SEMA5A: variants seen among roughly 807,000 people sequenced by gnomAD.
The protein encoded by SEMA5A is semaphorin 5A.
SEMA5A carries 55 observed loss-of-function variants against 135.5 expected under a neutral mutation model. The observed-to-expected ratio is 0.41, with a 90% CI of 0.33 to 0.51. SEMA5A has a LOEUF of 0.51. Ranked by LOEUF, SEMA5A falls within the 20% of genes least tolerant of loss-of-function variation. The pLI, the probability that SEMA5A is intolerant of heterozygous loss-of-function variation, is 0.37. For synonymous variants in SEMA5A, 580 were observed against 546.5 expected (o/e 1.06, Z -0.85); for missense variants, 1,290 against 1,419.9 (o/e 0.91, Z 1.47).
chr5:9,295,155 T>C (rs542782475), intron 5 of SEMA5A, among the ~76,000 whole-genome samples: 5 of 152,320 alleles, frequency 3.3e-5, no homozygotes, highest in African/African-American at 9.6e-5. Context: ...CCAGGGTTCA[T>C]GTTCAAAGTA....
intron 1 of SEMA5A, among the ~76,000 whole-genome samples, chr5:9,524,515 T>C (rs1485386671): frequency 6.6e-6 from 1 of 152,156 alleles, no homozygotes; most frequent in African/African-American, 2.4e-5. Flanking sequence ...AAGCTGAAGA[T>C]AGACCTGGAA....
At chr5:9,124,734 G>A (rs1017708701) in intron 13 of SEMA5A, among the ~76,000 whole-genome samples, 3 of 152,094 alleles carry the variant, frequency 2.0e-5, no homozygotes, top group Admixed American at 6.5e-5. Context: ...GGGATTACAG[G>A]CATGAGCCAC....
Position 9,544,885 on chromosome 5 carries a change from T to C in SEMA5A, c.-175+699A>G, listed in dbSNP as rs188560006. 1.7e-3 allele frequency among the ~76,000 whole-genome samples: 259 copies of C among 152,278 alleles called. 1 individual carries two copies. The highest frequency in any genetic ancestry group is 6.0e-3 in the African/African-American group (248 of 41,584). On this transcript the variant is annotated intron_variant, in intron 1 of 22. Coordinates refer to ENST00000382496, the MANE Select transcript of SEMA5A (RefSeq NM_003966.3). The stretch of plus-strand genomic sequence containing the variant: ...ACATCTTGGGAGAAACCATTCCCTC[T>C]GGAGCCCGATCTGCCCGAAACCCTG...
chr5:9,189,034 C>T (rs141912468), intron 11 of SEMA5A, among the ~76,000 whole-genome samples: 257 of 152,338 alleles, frequency 1.7e-3, no homozygotes, highest in Non-Finnish European at 2.2e-3. Context: ...CTTACCTGAC[C>T]ACTCAGTGGC....
At chr5:9,441,984 T>C (rs1758254846) in intron 1 of SEMA5A, among the ~76,000 whole-genome samples, 1 of 152,184 alleles carries the variant, frequency 6.6e-6, no homozygotes, top group Admixed American at 6.5e-5. Flanking sequence ...ATGGCAGCTC[T>C]GCAGAGGATG....
intron 11 of SEMA5A, among the ~76,000 whole-genome samples, chr5:9,165,350 G>C (rs972616966): frequency 3.3e-5 from 5 of 152,158 alleles, no homozygotes; most frequent in African/African-American, 1.2e-4. Flanking sequence ...TATAAAAATA[G>C]ATTATTGCAA....
At chr5:9,075,454 C>T (rs560698322) in intron 16 of SEMA5A, among the ~76,000 whole-genome samples, 19 of 151,376 alleles carry the variant, frequency 1.3e-4, no homozygotes, top group East Asian at 3.9e-4. Flanking sequence ...GATAGCTAAA[C>T]GAATAATCTT....
intron 5 of SEMA5A, among the ~76,000 whole-genome samples, chr5:9,273,204 A>T (rs1488325676): frequency 1.3e-5 from 2 of 152,174 alleles, no homozygotes; most frequent in East Asian, 3.8e-4. Flanking sequence ...ACAAGTATCA[A>T]TAGCTGAATC....
chr5:9,453,371 G>A (rs1283831976), intron 1 of SEMA5A, among the ~76,000 whole-genome samples: 1 of 152,118 alleles, frequency 6.6e-6, no homozygotes, highest in Non-Finnish European at 1.5e-5. Flanking sequence ...CTGAAAATAA[G>A]TGCCACATCC....
chr5:9,207,878 TA>T lies in SEMA5A; in HGVS notation c.647-5639del, dbSNP rs1284558068. On this transcript the variant is annotated intron_variant, in intron 8 of 22. Transcript: ENST00000382496. ...ATAGATAGATAGATAGATAGATAGA[TA>T]GATAGATAGATAGATAGATACATAG... Among the ~76,000 whole-genome samples the T allele has an allele frequency of 4.8e-3, 203 of 42,368 alleles. 2 individuals carry two copies. Among genetic ancestry groups the T allele is most frequent in the African/African-American group, 0.014 (167 of 12,090 alleles). 27.8% of individuals were successfully genotyped at this position (42,368 alleles called of 152,430 possible).
chr5:9,290,403 C>CAT (rs908143241), intron 5 of SEMA5A, among the ~76,000 whole-genome samples: 1 of 152,058 alleles, frequency 6.6e-6, no homozygotes, highest in Non-Finnish European at 1.5e-5. Flanking sequence ...TTATGATATA[C>CAT]ATATATATAC....
intron 1 of SEMA5A, among the ~76,000 whole-genome samples, chr5:9,468,817 A>T (rs1468716105): frequency 1.3e-5 from 2 of 152,194 alleles, no homozygotes; most frequent in African/African-American, 4.8e-5. Flanking sequence ...TAATTTCAAA[A>T]TTTTAGAAGA....
chr5:9,160,584 GAGA>G (rs746828230), intron 11 of SEMA5A, among the ~76,000 whole-genome samples: 4 of 152,172 alleles, frequency 2.6e-5, no homozygotes, highest in Non-Finnish European at 5.9e-5. Context: ...GCCTGCCAAT[GAGA>G]AGAAGAGAAC....
chr5:9,385,395 AT>A (rs1340728424), intron 2 of SEMA5A, among the ~76,000 whole-genome samples: 2 of 152,208 alleles, frequency 1.3e-5, no homozygotes, highest in Non-Finnish European at 2.9e-5. Context: ...CTAACCAGTT[AT>A]TAGTAAAAAC....
At chr5:9,286,414 C>T (rs115857858) in intron 5 of SEMA5A, among the ~76,000 whole-genome samples, 1 of 151,990 alleles carries the variant, frequency 6.6e-6, no homozygotes, top group Non-Finnish European at 1.5e-5. Flanking sequence ...GACTCTGACA[C>T]CCCTCCGTAC....
intron 21 of SEMA5A, among the ~76,000 whole-genome samples, chr5:9,046,437 C>A (rs763855168): frequency 6.6e-6 from 1 of 152,180 alleles, no homozygotes; most frequent in Non-Finnish European, 1.5e-5. Flanking sequence ...CATGATCCTC[C>A]CTACCTGGAA....
intron 1 of SEMA5A, among the ~76,000 whole-genome samples, chr5:9,498,130 G>T (rs1462771616): frequency 6.6e-6 from 1 of 152,170 alleles, no homozygotes; most frequent in Non-Finnish European, 1.5e-5. Context: ...GGGCTAGTCA[G>T]TTCTTAAAGA....
chr5:9,466,707 T>G, intron 1 of SEMA5A, among the ~76,000 whole-genome samples: 1 of 152,240 alleles, frequency 6.6e-6, no homozygotes, highest in Non-Finnish European at 1.5e-5. Context: ...ATGTTTATCA[T>G]AAATATTTCA....
intron 10 of SEMA5A, among the ~76,000 whole-genome samples, chr5:9,193,409 T>C (rs1277027304): frequency 1.3e-5 from 2 of 152,202 alleles, no homozygotes; most frequent in Non-Finnish European, 2.9e-5. Flanking sequence ...AGTAATTCAG[T>C]CAGTAATTCT....
Sources: gnomAD v4.1 joint callset for allele counts (sites outside exome capture counted in the v4.1 genomes callset) on GRCh38, gnomAD v4.1.1 for gene constraint, MANE v1.5 for transcripts, NCBI Gene and HGNC (gene_info 2026-07-23, HGNC 2026-07-21) for gene names.